FOXP2: variants seen among roughly 807,000 people sequenced by gnomAD.
The protein encoded by FOXP2 is forkhead box protein P2.
A neutral mutation model predicts 115.8 loss-of-function variants in FOXP2; 12 were observed. The observed-to-expected ratio is 0.10, with a 90% CI of 0.07 to 0.17. The LOEUF (loss-of-function observed/expected upper bound fraction) is 0.17. FOXP2 is among the 10% of genes least tolerant of loss of function. The pLI is 1.00. For missense variants in FOXP2, 629 were observed against 843.5 expected (o/e 0.75, Z 3.15); for synonymous variants, 328 against 297.7 (o/e 1.10, Z -1.05).
chr7:114,419,319 G>A (rs1793493125), intron 1 of FOXP2, among the ~76,000 whole-genome samples: 1 of 151,930 alleles, frequency 6.6e-6, no homozygotes, highest in Non-Finnish European at 1.5e-5. Context: ...CTTGCAAACA[G>A]CAAGTTTAGG....
chr7:114,284,054 A>G lies in FOXP2; in HGVS notation c.-101-3965A>G, dbSNP rs375434892. On this transcript the variant is annotated intron_variant, in intron 1 of 17. Coordinates refer to the FOXP2 transcript ENST00000634411. Reference sequence around the variant, plus strand: ...TATCTAATATAATTCCTTACAGAAGATAGGTCAAATGGTCTGGGAATGTCT... The same window carrying G: ...TATCTAATATAATTCCTTACAGAAGGTAGGTCAAATGGTCTGGGAATGTCT... 1.6e-3 allele frequency among the ~76,000 whole-genome samples: 244 copies of G among 152,310 alleles called. 14 individuals carry two copies. In the South Asian group the frequency reaches 0.05, roughly 31 times the overall value.
At position 114,299,129 on chromosome 7, in the gene FOXP2, G is replaced by A. The variant is rs529391070; in HGVS notation, c.-11+11020G>A. On this transcript the variant is annotated intron_variant, in intron 2 of 17. Transcript: ENST00000634411. ...ACAAAAATATACTAAAACTTAATTT[G>A]CAATCTTAAAAATATACTGCTCAAG... 1.5e-4 allele frequency among the ~76,000 whole-genome samples: 23 copies of A among 151,860 alleles called. No homozygotes were observed. In the South Asian group the frequency reaches 4.8e-3, roughly 32 times the overall value.
intron 1 of FOXP2, among the ~76,000 whole-genome samples, chr7:114,127,710 A>G (rs1235483409): frequency 2.0e-5 from 3 of 152,176 alleles, no homozygotes; most frequent in Non-Finnish European, 4.4e-5. Flanking sequence ...TTGCTTTCAT[A>G]AACTGCATAG....
chr7:114,270,619 G>A (rs1384566333), intron 1 of FOXP2, among the ~76,000 whole-genome samples: 5 of 152,096 alleles, frequency 3.3e-5, no homozygotes, highest in Non-Finnish European at 7.4e-5. Flanking sequence ...CTTCTTTGTT[G>A]AAGTGTCTGT....
intron 1 of FOXP2, among the ~76,000 whole-genome samples, chr7:114,107,504 C>G (rs1277750711): frequency 6.6e-6 from 1 of 151,940 alleles, no homozygotes; most frequent in African/African-American, 2.4e-5. Context: ...ATTTCACACT[C>G]ATGTCTCTCC....
intron 2 of FOXP2, among the ~76,000 whole-genome samples, chr7:114,493,659 C>A (rs1328720106): frequency 1.4e-5 from 2 of 146,056 alleles, no homozygotes; most frequent in Non-Finnish European, 3.0e-5. Context: ...CACACACATA[C>A]TCTCTCTCTC....
chr7:114,088,270 G>C (rs1006788922), intron 1 of FOXP2: 2 of 152,758 alleles, frequency 1.3e-5, no homozygotes, highest in Non-Finnish European at 2.9e-5. Flanking sequence ...AGGTGGCCTG[G>C]GTGAGTTCTC....
At chr7:114,127,048 T>G (rs576112471) in intron 1 of FOXP2, among the ~76,000 whole-genome samples, 2 of 152,312 alleles carry the variant, frequency 1.3e-5, no homozygotes, top group East Asian at 3.9e-4. Flanking sequence ...AAGTCTCATC[T>G]GAATGCTCAA....
chr7:114,487,150 G>T (rs896768182), intron 2 of FOXP2, among the ~76,000 whole-genome samples: 1 of 152,156 alleles, frequency 6.6e-6, no homozygotes. Flanking sequence ...CCAGAAATTT[G>T]CGTACATCCT....
At chr7:114,504,600 A>G (rs977222446) in intron 2 of FOXP2, among the ~76,000 whole-genome samples, 1 of 151,708 alleles carries the variant, frequency 6.6e-6, no homozygotes, top group Admixed American at 6.6e-5. Context: ...TTTACCTATT[A>G]AAATATTTGA....
intron 2 of FOXP2, among the ~76,000 whole-genome samples, chr7:114,296,216 G>T (rs577695376): frequency 6.6e-6 from 1 of 152,234 alleles, no homozygotes; most frequent in East Asian, 1.9e-4. Context: ...CTCCAAGAGA[G>T]TAATATGAAT....
At chr7:114,418,712 T>C (rs966766357) in intron 1 of FOXP2, among the ~76,000 whole-genome samples, 9 of 151,874 alleles carry the variant, frequency 5.9e-5, no homozygotes, top group African/African-American at 2.2e-4. Flanking sequence ...AATGGCTTTT[T>C]TTTATGAGAA....
Position 114,651,895 on chromosome 7 carries a change from A to T in FOXP2, c.1095-308A>T, listed in dbSNP as rs534624548. Among the ~76,000 whole-genome samples the T allele has an allele frequency of 1.6e-4, 24 of 152,172 alleles. No homozygotes were observed. In the East Asian group the frequency reaches 1.7e-3, roughly 11 times the overall value. On this transcript the variant is annotated intron_variant, in intron 8 of 16. Coordinates refer to ENST00000350908, the MANE Select transcript of FOXP2 (RefSeq NM_014491.4). The stretch of plus-strand genomic sequence containing the variant: ...CATAGATTTGTAAGCTGTTCTTTTT[A>T]AAAAAATGGCATAAATAATATGACT...
intron 3 of FOXP2, among the ~76,000 whole-genome samples, chr7:114,552,789 A>C (rs1327421246): frequency 6.6e-6 from 1 of 152,128 alleles, no homozygotes; most frequent in African/African-American, 2.4e-5. Context: ...TAAGGTTTTT[A>C]ATGAAGAAAA....
intron 1 of FOXP2, among the ~76,000 whole-genome samples, chr7:114,176,481 A>T (rs1793314885): frequency 6.6e-6 from 1 of 151,620 alleles, no homozygotes; most frequent in Non-Finnish European, 1.5e-5. Flanking sequence ...CTGGGACTAC[A>T]GGCGCGCACC....
chr7:114,443,195 T>C (rs1269694764), intron 2 of FOXP2, among the ~76,000 whole-genome samples: 1 of 152,194 alleles, frequency 6.6e-6, no homozygotes, highest in Non-Finnish European at 1.5e-5. Flanking sequence ...GTATATAACA[T>C]ATGTACTGTC....
intron 6 of FOXP2, among the ~76,000 whole-genome samples, chr7:114,639,204 A>G (rs1205926110): frequency 6.6e-6 from 1 of 152,210 alleles, no homozygotes; most frequent in African/African-American, 2.4e-5. Context: ...TGTTAGAAGC[A>G]ACTAGTGCCA....
intron 1 of FOXP2, among the ~76,000 whole-genome samples, chr7:114,098,296 G>A (rs1205466702): frequency 2.0e-5 from 3 of 152,176 alleles, no homozygotes; most frequent in Non-Finnish European, 4.4e-5. Context: ...AAAAACCATA[G>A]ATGGAGGCAT....
chr7:114,360,952 T>C (rs1372296536), intron 2 of FOXP2, among the ~76,000 whole-genome samples: 1 of 152,176 alleles, frequency 6.6e-6, no homozygotes, highest in Non-Finnish European at 1.5e-5. Context: ...AACCACTCAG[T>C]GAAGATAAAC....
Sources: allele counts gnomAD v4.1 joint callset (sites outside exome capture counted in the v4.1 genomes callset), GRCh38; gene constraint gnomAD v4.1.1; transcripts MANE v1.5; gene names NCBI Gene and HGNC (gene_info 2026-07-23, HGNC 2026-07-21).